Variants in GFRA2 observed in about 807,000 individuals in gnomAD.
GFRA2 encodes the protein GDNF family receptor alpha-2.
Under a neutral mutation model 48.3 loss-of-function variants are expected in GFRA2, and 17 were observed. That is an observed-to-expected ratio of 0.35 (90% confidence interval 0.24 to 0.53). GFRA2 has a LOEUF of 0.53. Among genes scored for constraint, GFRA2 ranks in the 20% least tolerant of loss-of-function variants. The pLI is 0.93. For missense variants in GFRA2, 660 were observed against 637.3 expected (o/e 1.04, Z -0.38); for synonymous variants, 305 against 257.2 (o/e 1.19, Z -1.78).
intron 4 of GFRA2, among the ~76,000 whole-genome samples, chr8:21,709,624 A>C (rs183780159): frequency 6.6e-6 from 1 of 152,012 alleles, no homozygotes; most frequent in South Asian, 2.1e-4. Context: ...GCAGTGGGAG[A>C]TCATTGCTTG....
At position 21,783,661 on chromosome 8, in the gene GFRA2, T is replaced by A. The variant is rs1481794561; in HGVS notation, c.41-762A>T. On this transcript the variant is annotated intron_variant, in intron 1 of 8. Coordinates refer to ENST00000524240, the MANE Select transcript of GFRA2 (RefSeq NM_001495.5). ...ACCCCTCCACACCTTCTAGTCCAAC[T>A]TCACACCAGACGGAGACCTGAACTC... 2.6e-5 allele frequency among the ~76,000 whole-genome samples: 4 copies of A among 151,728 alleles called. No individual in the cohort carries two copies. In the East Asian group the frequency reaches 7.9e-4, roughly 30 times the overall value.
chr8:21,770,624 C>T (rs1445686038), intron 3 of GFRA2, among the ~76,000 whole-genome samples: 2 of 152,224 alleles, frequency 1.3e-5, no homozygotes, highest in Non-Finnish European at 2.9e-5. Context: ...ACTTGCACGG[C>T]ATGGCCAGAC....
intron 6 of GFRA2, 118 bp downstream of exon 6, chr8:21,704,867 C>T (rs559870625): frequency 1.8e-5 from 15 of 816,362 alleles, no homozygotes; most frequent in Non-Finnish European, 2.6e-5. Flanking sequence ...ACACCCATGG[C>T]GGAGAAGCCT....
intron 1 of GFRA2, among the ~76,000 whole-genome samples, chr8:21,786,247 A>G (rs1414390632): frequency 6.6e-6 from 1 of 152,186 alleles, no homozygotes; most frequent in Non-Finnish European, 1.5e-5. Flanking sequence ...CACTTCTGAA[A>G]AGGAGAAAGG....
chr8:21,784,108 C>T (rs2117077965), intron 1 of GFRA2, among the ~76,000 whole-genome samples: 1 of 152,238 alleles, frequency 6.6e-6, no homozygotes, highest in African/African-American at 2.4e-5. Context: ...CCATCCTGGC[C>T]CCCATGTCCA....
At chr8:21,733,333 C>A (rs1367973502) in intron 4 of GFRA2, among the ~76,000 whole-genome samples, 1 of 152,186 alleles carries the variant, frequency 6.6e-6, no homozygotes, top group Non-Finnish European at 1.5e-5. Context: ...CACACCCAGG[C>A]CCTGGCCTGC....
chr8:21,764,360 C>T (rs182646154), intron 3 of GFRA2, among the ~76,000 whole-genome samples: 18 of 152,310 alleles, frequency 1.2e-4, no homozygotes, highest in East Asian at 9.7e-4. Context: ...TTCATAAGGG[C>T]TCCACTCTCA....
chr8:21,706,026 G>A lies in GFRA2; in HGVS notation c.810C>T (p.Asp270=). Residue 270 remains aspartate (D), a synonymous_variant, in exon 5 of 9, where the codon GAC becomes GAT. Coordinates refer to ENST00000524240, the MANE Select transcript of GFRA2 (RefSeq NM_001495.5). The stretch of plus-strand genomic sequence containing the variant: ...AGGAGGCTCGACAATTGGCATGGAA[G>A]TCGGCCAGCCGGGACCTGGTGGTGG... ...TDHLCRSRLA[D]FHANCRASYQ... is the part of the protein sequence containing the mutation. 1 of 1,571,610 alleles carries A rather than the reference G, an allele frequency of 6.4e-7. No homozygotes were observed. Among genetic ancestry groups the A allele is most frequent in the Non-Finnish European group, 8.6e-7 (1 of 1,157,976 alleles).
chr8:21,753,592 G>A (rs1805401878), intron 3 of GFRA2, among the ~76,000 whole-genome samples: 1 of 151,714 alleles, frequency 6.6e-6, no homozygotes, highest in African/African-American at 2.4e-5. Context: ...GCACACCAGA[G>A]TGGGCAACAA....
intron 1 of GFRA2, among the ~76,000 whole-genome samples, chr8:21,784,685 G>A (rs891935943): frequency 5.3e-5 from 8 of 152,192 alleles, no homozygotes; most frequent in African/African-American, 1.9e-4. Context: ...CTTCTTCGGG[G>A]CCCAGAGCAA....
chr8:21,786,837 C>G (rs765326492), intron 1 of GFRA2, among the ~76,000 whole-genome samples: 2 of 152,188 alleles, frequency 1.3e-5, no homozygotes, highest in African/African-American at 2.4e-5. Flanking sequence ...CAGCTCCTAC[C>G]TCCCCACTCG....
chr8:21,789,834 T>G (rs1010467089), upstream of GFRA2, among the ~76,000 whole-genome samples: 22 of 149,286 alleles, frequency 1.5e-4, no homozygotes, highest in African/African-American at 5.4e-4. Context: ...CCTGACCACC[T>G]CCTCGGAGGC....
Position 21,782,593 on chromosome 8 carries a change from A to G in GFRA2, c.347T>C (p.Leu116Pro). 1 of 1,573,740 alleles carries G rather than the reference A, an allele frequency of 6.4e-7. No individual in the cohort carries two copies. Among genetic ancestry groups the G allele is most frequent in the Non-Finnish European group, 8.6e-7 (1 of 1,158,924 alleles). Residue 116 changes from leucine to proline, a missense_variant, in exon 2 of 9, where the codon CTG becomes CCG. Transcript: ENST00000524240. ...GCCCCGCCCAGGCTTACCCTCGGTCAGCCCCAGGTGGATGCTCCAGTAGAT... is the reference window on the plus strand; with the variant it reads ...GCCCCGCCCAGGCTTACCCTCGGTCGGCCCCAGGTGGATGCTCCAGTAGAT... Reference protein sequence around the residue: ...LQIYWSIHLGLTEGEEFYEAS... With the variant: ...LQIYWSIHLGPTEGEEFYEAS...
chr8:21,695,555 C>G (rs1802120577), intron 7 of GFRA2, among the ~76,000 whole-genome samples: 1 of 152,090 alleles, frequency 6.6e-6, no homozygotes, highest in Non-Finnish European at 1.5e-5. Context: ...GAGATAGGAC[C>G]ACGGTGATGA....
chr8:21,787,296 G>A (rs1807331159), intron 1 of GFRA2, among the ~76,000 whole-genome samples: 1 of 151,112 alleles, frequency 6.6e-6, no homozygotes, highest in African/African-American at 2.4e-5. Flanking sequence ...TGCAGAAGGA[G>A]CAGTGGTCTT....
At chr8:21,794,958 C>G (rs1807641601) in intron 2 of GFRA2, among the ~76,000 whole-genome samples, 1 of 152,238 alleles carries the variant, frequency 6.6e-6, no homozygotes, top group Non-Finnish European at 1.5e-5. Flanking sequence ...TGATTTCAGT[C>G]AATGTTCTCA....
chr8:21,713,051 G>A (rs985711734), intron 4 of GFRA2, among the ~76,000 whole-genome samples: 1 of 132,072 alleles, frequency 7.6e-6, no homozygotes, highest in Non-Finnish European at 1.6e-5. Context: ...GAGAGGGAGA[G>A]GGAGACGAGG....
At chr8:21,775,882 C>G (rs1301589504) in intron 2 of GFRA2, among the ~76,000 whole-genome samples, 2 of 152,142 alleles carry the variant, frequency 1.3e-5, no homozygotes, top group Non-Finnish European at 2.9e-5. Context: ...AAGACCCCAC[C>G]ACAGTGTCAG....
At chr8:21,730,372 C>T (rs979031276) in intron 4 of GFRA2, among the ~76,000 whole-genome samples, 1 of 150,770 alleles carries the variant, frequency 6.6e-6, no homozygotes, top group African/African-American at 2.4e-5. Flanking sequence ...CATTGCATTC[C>T]AGCCTGGGCA....
Sources: allele counts gnomAD v4.1 joint callset (sites outside exome capture counted in the v4.1 genomes callset), GRCh38; gene constraint gnomAD v4.1.1; transcripts MANE v1.5; gene names NCBI Gene and HGNC (gene_info 2026-07-23, HGNC 2026-07-21).